The following OARD1 variants were observed in gnomAD, a reference collection of about 807,000 sequenced individuals.
OARD1 encodes ADP-ribose glycohydrolase OARD1.
A neutral mutation model predicts 19.7 loss-of-function variants in OARD1; 19 were observed. The observed-to-expected ratio is 0.96, with a 90% CI of 0.67 to 1.41. The LOEUF is 1.41. Among genes scored for constraint, OARD1 ranks in the 40% most tolerant of loss-of-function variants. OARD1 has a pLI of 0.00. For synonymous variants in OARD1, 70 were observed against 61.8 expected, an observed-to-expected ratio of 1.13 and a Z score of -0.62; for missense variants, 190 against 183.8, an observed-to-expected ratio of 1.03 and a Z score of -0.20.
intron 3 of OARD1, 63 bp from the exon 4 acceptor site, chr6:41,070,197 T>C (rs1437589080): frequency 1.1e-6 from 1 of 898,434 alleles, no homozygotes; most frequent in Non-Finnish European, 1.8e-6. Flanking sequence ...CTCTAAAGAT[T>C]TTAAAATGTT....
rs140161624 is a variant in OARD1, at chr6:41,094,143, G to GTC, written c.-42+3569_-42+3570insGA. Among the ~76,000 whole-genome samples the GTC allele has an allele frequency of 8.7e-3, 1,323 of 152,256 alleles. 17 individuals are homozygous for GTC. Among genetic ancestry groups the GTC allele is most frequent in the African/African-American group, 0.03 (1,231 of 41,526 alleles). ...AAAGTGTATATATTGTGAAGTGTAG[G>GTC]TGGTAGTCTGTTATTTTTTTTAAAA... On this transcript the variant is annotated intron_variant, in intron 1 of 4. Transcript: ENST00000480585.
intron 1 of OARD1, among the ~76,000 whole-genome samples, chr6:41,084,782 A>T (rs921188109): frequency 6.6e-6 from 1 of 152,164 alleles, no homozygotes; most frequent in Non-Finnish European, 1.5e-5. Flanking sequence ...GGCCAACATG[A>T]CAAAACCCCA....
intron 1 of OARD1, among the ~76,000 whole-genome samples, chr6:41,088,214 C>G (rs896764717): frequency 6.6e-6 from 1 of 151,728 alleles, no homozygotes. Context: ...GTCAGGAGAT[C>G]GAGACCATCC....
At chr6:41,090,418 T>G in intron 1 of OARD1, 1 of 598,972 alleles carries the variant, frequency 1.7e-6, no homozygotes, top group Non-Finnish European at 3.0e-6. Flanking sequence ...ACATATTTTT[T>G]GGACAAAAAA....
At chr6:41,093,631 C>G (rs572743281) in intron 1 of OARD1, among the ~76,000 whole-genome samples, 1 of 152,160 alleles carries the variant, frequency 6.6e-6, no homozygotes, top group Non-Finnish European at 1.5e-5. Context: ...CCACCACGCC[C>G]AGCTTATTTT....
At chr6:41,090,344 G>T (rs1019173270) in intron 1 of OARD1, 1 of 1,480,480 alleles carries the variant, frequency 6.8e-7, no homozygotes, top group Non-Finnish European at 9.4e-7. Context: ...AGGACTTTTT[G>T]GGGCAACTTT....
At chr6:41,078,414 A>G (rs1763799796) in intron 1 of OARD1, among the ~76,000 whole-genome samples, 1 of 152,200 alleles carries the variant, frequency 6.6e-6, no homozygotes, top group Non-Finnish European at 1.5e-5. Context: ...AGAAAGACCT[A>G]TCTACATTTT....
At chr6:41,070,248 TGAA>T (rs1390811108) in intron 3 of OARD1, 114 bp from the exon 4 acceptor site, 4 of 680,138 alleles carry the variant, frequency 5.9e-6, no homozygotes, top group African/African-American at 5.5e-5. Flanking sequence ...TTTTCAACAC[TGAA>T]GAAGGGAATA....
At chr6:41,068,372 C>T (rs79123612) in intron 5 of OARD1, among the ~76,000 whole-genome samples, 13,371 of 152,238 alleles carry the variant, frequency 0.088, 670 homozygotes, top group Non-Finnish European at 0.11. Context: ...GGCTATTACC[C>T]ATACTGACCA....
chr6:41,073,949 G>A (rs1317720608), upstream of OARD1, among the ~76,000 whole-genome samples: 1 of 151,536 alleles, frequency 6.6e-6, no homozygotes, highest in Non-Finnish European at 1.5e-5. Flanking sequence ...CGGGCTGTAA[G>A]ACCAGTCCAT....
At chr6:41,091,855 A>G (rs1764205458) in intron 1 of OARD1, among the ~76,000 whole-genome samples, 1 of 152,226 alleles carries the variant, frequency 6.6e-6, no homozygotes, top group Non-Finnish European at 1.5e-5. Flanking sequence ...ACCATAATTC[A>G]TTCTGAGCAC....
At chr6:41,079,924 A>G (rs1427560879) in intron 1 of OARD1, among the ~76,000 whole-genome samples, 1 of 152,332 alleles carries the variant, frequency 6.6e-6, no homozygotes, top group Middle Eastern at 3.4e-3. Context: ...CCGTCTAATG[A>G]TCAAAGACGA....
chr6:41,094,763 C>CT (rs1206946086), intron 1 of OARD1, among the ~76,000 whole-genome samples: 1 of 152,176 alleles, frequency 6.6e-6, no homozygotes, highest in Non-Finnish European at 1.5e-5. Flanking sequence ...CATGGCAAAA[C>CT]TCCATCTCTA....
intron 4 of OARD1, 21 bp from the exon 5 acceptor site, chr6:41,068,974 C>T (rs1245602857): frequency 9.7e-6 from 13 of 1,345,466 alleles, no homozygotes; most frequent in Admixed American, 2.0e-5. Flanking sequence ...AGGATTCAAA[C>T]TTTCATCATC....
At chr6:41,073,720 GC>G (rs975401269), upstream of OARD1, among the ~76,000 whole-genome samples, 3 of 151,994 alleles carry the variant, frequency 2.0e-5, no homozygotes, top group South Asian at 2.1e-4. Flanking sequence ...CTATGGGCCC[GC>G]CCCCGCTGTC....
At chr6:41,070,639 A>G (rs1322304767) in intron 3 of OARD1, among the ~76,000 whole-genome samples, 1 of 152,234 alleles carries the variant, frequency 6.6e-6, no homozygotes, top group Non-Finnish European at 1.5e-5. Context: ...GCTTTTGTCT[A>G]AGGCTAAGAA....
intron 1 of OARD1, among the ~76,000 whole-genome samples, chr6:41,086,786 A>G (rs1386547768): frequency 1.3e-5 from 2 of 152,304 alleles, no homozygotes; most frequent in East Asian, 1.9e-4. Flanking sequence ...GTATAAACAT[A>G]TCAATGAAGA....
chr6:41,092,179 T>C (rs1056449977), intron 1 of OARD1, among the ~76,000 whole-genome samples: 1 of 151,908 alleles, frequency 6.6e-6, no homozygotes, highest in Non-Finnish European at 1.5e-5. Context: ...TTAAAATGCA[T>C]AAATTAAGAA....
chr6:41,085,424 T>C (rs541473834), intron 1 of OARD1, among the ~76,000 whole-genome samples: 4 of 152,364 alleles, frequency 2.6e-5, no homozygotes, highest in South Asian at 2.1e-4. Flanking sequence ...TGGGTTAATA[T>C]TGAAATATTT....
Sources: gnomAD v4.1 joint callset for allele counts (sites outside exome capture counted in the v4.1 genomes callset) on GRCh38, gnomAD v4.1.1 for gene constraint, MANE v1.5 for transcripts, NCBI Gene and HGNC (gene_info 2026-07-23, HGNC 2026-07-21) for gene names.